The following RCAN2 variants were observed in gnomAD, a reference collection of about 807,000 sequenced individuals.
RCAN2 encodes calcipressin-2.
RCAN2 carries 9 observed loss-of-function variants against 23.6 expected under a neutral mutation model. The observed-to-expected ratio is 0.38, with a 90% confidence interval of 0.23 to 0.67. RCAN2 has a LOEUF of 0.67. Among genes scored for constraint, RCAN2 ranks in the 30% least tolerant of loss-of-function variants. The pLI is 0.51. For synonymous variants in RCAN2, 109 were observed against 115.7 expected, an observed-to-expected ratio of 0.94 and a Z score of 0.37; for missense variants, 273 against 302.3, an observed-to-expected ratio of 0.90 and a Z score of 0.72.
Position 46,290,279 on chromosome 6 carries a change from T to G in RCAN2, c.226-41383A>C, listed in dbSNP as rs770648146. On this transcript the variant is annotated intron_variant, in intron 2 of 4. Transcript: ENST00000371374. ...AAAAACATAGAAAATCATGAACTAA[T>G]GTAAATTAGAAAATAAATCCTAATT... is the stretch of plus-strand genomic sequence containing the variant. Among the ~76,000 whole-genome samples, 10 of 152,182 alleles carry G rather than the reference T, an allele frequency of 6.6e-5. No homozygotes were observed. In the East Asian group the frequency reaches 1.9e-3, roughly 29 times the overall value.
At chr6:46,382,857 A>G (rs1282297305) in intron 2 of RCAN2, among the ~76,000 whole-genome samples, 2 of 152,122 alleles carry the variant, frequency 1.3e-5, no homozygotes, top group Non-Finnish European at 2.9e-5. Context: ...GGAAAAATAA[A>G]CCTTTCTCTT....
chr6:46,273,845 A>C (rs1582052748), intron 2 of RCAN2, among the ~76,000 whole-genome samples: 1 of 152,128 alleles, frequency 6.6e-6, no homozygotes, highest in East Asian at 1.9e-4. Context: ...AGAGAGCTGT[A>C]AGAGTGTGGC....
At chr6:46,450,717 A>G (rs2150428660) in intron 2 of RCAN2, among the ~76,000 whole-genome samples, 1 of 152,174 alleles carries the variant, frequency 6.6e-6, no homozygotes, top group African/African-American at 2.4e-5. Context: ...TCTCACTTAC[A>G]TGTAGAGGAT....
intron 2 of RCAN2, among the ~76,000 whole-genome samples, chr6:46,260,609 A>G (rs1203870056): frequency 6.6e-6 from 1 of 152,160 alleles, no homozygotes; most frequent in African/African-American, 2.4e-5. Context: ...CCATGCAGTG[A>G]CTGTCCATCC....
At chr6:46,335,160 C>T (rs1468684028) in intron 2 of RCAN2, among the ~76,000 whole-genome samples, 1 of 152,168 alleles carries the variant, frequency 6.6e-6, no homozygotes, top group Non-Finnish European at 1.5e-5. Context: ...CCTGTGATGT[C>T]AGAAGCTTGG....
intron 2 of RCAN2, among the ~76,000 whole-genome samples, chr6:46,355,363 T>C (rs1764797750): frequency 6.6e-6 from 1 of 152,124 alleles, no homozygotes; most frequent in South Asian, 2.1e-4. Flanking sequence ...GGCTCCAGTG[T>C]TTATCAGAAG....
chr6:46,464,189 C>T (rs1360664967), intron 1 of RCAN2, among the ~76,000 whole-genome samples: 1 of 152,028 alleles, frequency 6.6e-6, no homozygotes, highest in African/African-American at 2.4e-5. Flanking sequence ...AAAAGAAATG[C>T]CTATATTTTT....
intron 2 of RCAN2, among the ~76,000 whole-genome samples, chr6:46,301,250 GC>G (rs918973320): frequency 6.6e-6 from 1 of 152,040 alleles, no homozygotes; most frequent in African/African-American, 2.4e-5. Context: ...AATTGAGAAT[GC>G]CTCTTATTCA....
intron 2 of RCAN2, among the ~76,000 whole-genome samples, chr6:46,273,541 T>C (rs1248367962): frequency 6.6e-6 from 1 of 152,206 alleles, no homozygotes; most frequent in Non-Finnish European, 1.5e-5. Context: ...TGATTTTCCT[T>C]TGCTGAAGTT....
chr6:46,221,933 C>T lies in RCAN2; in HGVS notation c.*1208G>A, dbSNP rs989963335. The stretch of plus-strand genomic sequence containing the variant: ...AAAACAAATAACTTTTTTGAGCACA[C>T]GGGTGTCGCGTGAGTAGGACCGGCA... On this transcript the variant is annotated 3_prime_UTR_variant, in exon 5 of 5. Coordinates refer to ENST00000371374, the MANE Select transcript of RCAN2 (RefSeq NM_001251974.2). The T allele has an allele frequency of 4.0e-5, 16 of 398,458 alleles. No homozygotes were observed. The highest frequency in any genetic ancestry group is 2.1e-4 in the East Asian group (6 of 28,076). The allele number at this position is 398,458 out of a possible 1,614,324, so 24.7% of individuals were successfully genotyped here. A position where few individuals can be genotyped will look rare whatever the true frequency, so the allele number is the denominator to read the frequency against.
At chr6:46,242,882 C>T (rs371902555) in intron 4 of RCAN2, among the ~76,000 whole-genome samples, 2 of 152,234 alleles carry the variant, frequency 1.3e-5, no homozygotes, top group East Asian at 3.8e-4. Context: ...CGTTCATTCA[C>T]ACATTCATTC....
intron 2 of RCAN2, among the ~76,000 whole-genome samples, chr6:46,361,127 G>A (rs1170992245): frequency 2.0e-5 from 3 of 152,194 alleles, no homozygotes; most frequent in Admixed American, 6.5e-5. Flanking sequence ...CATATGGATT[G>A]CAGCCTTGAC....
At chr6:46,388,939 T>A (rs1367366659) in intron 2 of RCAN2, among the ~76,000 whole-genome samples, 1 of 152,134 alleles carries the variant, frequency 6.6e-6, no homozygotes, top group Admixed American at 6.6e-5. Flanking sequence ...GTACTGCACG[T>A]GTATCCCAGA....
intron 2 of RCAN2, among the ~76,000 whole-genome samples, chr6:46,327,021 T>G (rs1763816180): frequency 6.6e-6 from 1 of 152,226 alleles, no homozygotes; most frequent in Non-Finnish European, 1.5e-5. Flanking sequence ...TGGGAAATAT[T>G]AAGTCATATA....
At chr6:46,374,377 A>G (rs1173375729) in intron 2 of RCAN2, among the ~76,000 whole-genome samples, 1 of 152,148 alleles carries the variant, frequency 6.6e-6, no homozygotes, top group Admixed American at 6.5e-5. Flanking sequence ...TTTATTTTAC[A>G]CTATTATTTT....
chr6:46,268,558 A>G (rs1369131976), intron 2 of RCAN2, among the ~76,000 whole-genome samples: 1 of 152,166 alleles, frequency 6.6e-6, no homozygotes, highest in African/African-American at 2.4e-5. Context: ...ATCTTTGAGT[A>G]GGCCCTCTCC....
chr6:46,438,092 C>A (rs1019469572), intron 2 of RCAN2, among the ~76,000 whole-genome samples: 2 of 152,144 alleles, frequency 1.3e-5, no homozygotes, highest in African/African-American at 4.8e-5. Flanking sequence ...CTGTCACCCC[C>A]ACTCATCAGT....
At chr6:46,283,376 G>A (rs1460988706) in intron 2 of RCAN2, among the ~76,000 whole-genome samples, 6 of 152,154 alleles carry the variant, frequency 3.9e-5, no homozygotes, top group African/African-American at 7.2e-5. Context: ...CCAGGAGATC[G>A]AGGTTGCAGT....
At chr6:46,340,882 A>G (rs1232942360) in intron 2 of RCAN2, among the ~76,000 whole-genome samples, 3 of 152,340 alleles carry the variant, frequency 2.0e-5, no homozygotes, top group Admixed American at 6.5e-5. Context: ...TGAATCCTTG[A>G]AGGAAAACTT....
Sources: allele counts gnomAD v4.1 joint callset (sites outside exome capture counted in the v4.1 genomes callset), GRCh38; gene constraint gnomAD v4.1.1; transcripts MANE v1.5; gene names NCBI Gene and HGNC (gene_info 2026-07-23, HGNC 2026-07-21).